The following HSD17B12 variants were observed in gnomAD, a reference collection of about 807,000 sequenced individuals.
HSD17B12 encodes the protein very-long-chain 3-oxoacyl-CoA reductase.
HSD17B12 carries 32 observed loss-of-function variants against 39.3 expected under a neutral mutation model. The ratio of observed to expected loss-of-function variants is 0.81; its 90% CI spans 0.61 to 1.09. The LOEUF (loss-of-function observed/expected upper bound fraction) is 1.09. HSD17B12 is among the 50% of genes least tolerant of loss of function. The pLI is 0.00. For missense variants in HSD17B12, 342 were observed against 382.9 expected (o/e 0.89, Z 0.89); for synonymous variants, 150 against 146.7 (o/e 1.02, Z -0.16).
chr11:43,801,363 A>G (rs1270253729), intron 4 of HSD17B12, among the ~76,000 whole-genome samples: 1 of 152,084 alleles, frequency 6.6e-6, no homozygotes, highest in East Asian at 1.9e-4. Context: ...AGAAACATTT[A>G]TAAATGAAGT....
chr11:43,787,739 A>G (rs1355894877), intron 3 of HSD17B12, among the ~76,000 whole-genome samples: 1 of 61,948 alleles, frequency 1.6e-5, no homozygotes, highest in South Asian at 5.5e-4. Context: ...TCCGTCTCGG[A>G]AAAAAAAAAA....
chr11:43,586,786 A>T, the HSD17B12 span, among the ~76,000 whole-genome samples: 1 of 152,200 alleles, frequency 6.6e-6, no homozygotes, highest in African/African-American at 2.4e-5. Flanking sequence ...CATATTAATC[A>T]TGTCTTCAGA....
the HSD17B12 span, among the ~76,000 whole-genome samples, chr11:43,582,203 G>C: frequency 6.6e-6 from 1 of 152,202 alleles, no homozygotes; most frequent in Non-Finnish European, 1.5e-5. Context: ...CGAGAACTGG[G>C]GAAGCCCCCG....
intron 1 of HSD17B12, among the ~76,000 whole-genome samples, chr11:43,690,404 A>ATATATAT (rs1554959942): frequency 8.0e-5 from 2 of 24,956 alleles, no homozygotes; most frequent in African/African-American, 1.9e-4. Context: ...ATATATATAT[A>ATATATAT]TTTTTTTTTT....
intron 1 of HSD17B12, 37 bp downstream of exon 1, chr11:43,681,024 G>T (rs1949738861): frequency 6.5e-6 from 10 of 1,548,678 alleles, no homozygotes; most frequent in Non-Finnish European, 8.7e-6. Flanking sequence ...CGCTCCCGCG[G>T]CGGCCCGGAC....
chr11:43,568,092 TTTTATTTA>T, the HSD17B12 span, among the ~76,000 whole-genome samples: 11 of 152,016 alleles, frequency 7.2e-5, 1 homozygote, highest in East Asian at 5.8e-4. Flanking sequence ...ATTCTTTTAA[TTTTATTTA>T]TTTATTTATT....
chr11:43,597,122 G>T, the HSD17B12 span, among the ~76,000 whole-genome samples: 1 of 152,192 alleles, frequency 6.6e-6, no homozygotes, highest in Non-Finnish European at 1.5e-5. Flanking sequence ...CAGGCAAAAT[G>T]AATTAAGTGC....
At chr11:43,853,405 G>A (rs1057088205) in intron 9 of HSD17B12, 4 of 149,704 alleles carry the variant, frequency 2.7e-5, no homozygotes, top group African/African-American at 4.9e-5. Context: ...TCAGCAGGAC[G>A]GAAATCCATA....
chr11:43,618,015 A>T, the HSD17B12 span, among the ~76,000 whole-genome samples: 1 of 152,168 alleles, frequency 6.6e-6, no homozygotes, highest in South Asian at 2.1e-4. Flanking sequence ...TGGAAATGTA[A>T]CATCTTACTT....
At chr11:43,802,711 G>A (rs1950983519) in intron 4 of HSD17B12, among the ~76,000 whole-genome samples, 1 of 152,192 alleles carries the variant, frequency 6.6e-6, no homozygotes, top group Non-Finnish European at 1.5e-5. Context: ...CTGTCCCCTA[G>A]TGGGTAAAGC....
chr11:43,560,031 T>C, the HSD17B12 span, among the ~76,000 whole-genome samples: 2 of 152,194 alleles, frequency 1.3e-5, no homozygotes, highest in African/African-American at 4.8e-5. Flanking sequence ...GGTGGTTTTT[T>C]ATTTGCTGTT....
At chr11:43,768,373 GAGA>G (rs1950616264) in intron 3 of HSD17B12, among the ~76,000 whole-genome samples, 1 of 151,976 alleles carries the variant, frequency 6.6e-6, no homozygotes, top group Non-Finnish European at 1.5e-5. Context: ...CATTTATTTA[GAGA>G]CAGAGTCTCA....
intron 1 of HSD17B12, among the ~76,000 whole-genome samples, chr11:43,743,985 T>C (rs1404738008): frequency 6.6e-6 from 1 of 151,920 alleles, no homozygotes. Flanking sequence ...AGAGTGAGAG[T>C]GTGCAAAAGG....
At chr11:43,825,772 G>C (rs1483533996) in intron 6 of HSD17B12, among the ~76,000 whole-genome samples, 1 of 152,214 alleles carries the variant, frequency 6.6e-6, no homozygotes, top group East Asian at 1.9e-4. Context: ...CAAAATGATG[G>C]TTTTGCCAAA....
At chr11:43,645,058 T>G in the HSD17B12 span, 2 of 152,224 alleles carry the variant, frequency 1.3e-5, no homozygotes, top group African/African-American at 4.8e-5. Flanking sequence ...TTATGGAAAT[T>G]AGGTTTGCTT....
intron 3 of HSD17B12, among the ~76,000 whole-genome samples, chr11:43,767,051 G>A (rs1367384206): frequency 6.6e-6 from 1 of 152,122 alleles, no homozygotes; most frequent in Non-Finnish European, 1.5e-5. Flanking sequence ...GAATGTTGCT[G>A]TTCTACAGCT....
the HSD17B12 span, among the ~76,000 whole-genome samples, chr11:43,585,587 G>C: frequency 6.6e-6 from 1 of 152,214 alleles, no homozygotes; most frequent in South Asian, 2.1e-4. Flanking sequence ...TAAGAGTAGA[G>C]CTTAAATAAT....
rs1951300716 is a variant in HSD17B12, at chr11:43,830,766, C to G, written c.502-210C>G. The G allele has an allele frequency of 7.7e-6, 3 of 389,618 alleles. No homozygotes were observed. In the South Asian group the frequency reaches 1.7e-4, roughly 22 times the overall value. 24.1% of individuals were successfully genotyped at this position (389,618 alleles called of 1,614,324 possible). A position where few individuals can be genotyped will look rare whatever the true frequency, so the allele number is the denominator to read the frequency against. On this transcript the variant is annotated intron_variant, in intron 6 of 10. Transcript: ENST00000278353. The stretch of plus-strand genomic sequence containing the variant: ...TTTAGCCAGGTTCATTAAAGTATTC[C>G]CTGTGTTCTCTCCAGTAATTTCAGC...
chr11:43,811,093 C>T (rs1364331975), intron 4 of HSD17B12, among the ~76,000 whole-genome samples: 2 of 152,150 alleles, frequency 1.3e-5, no homozygotes, highest in Non-Finnish European at 2.9e-5. Context: ...TACTCAAAGC[C>T]TGTTCTTTCT....
Sources: allele counts gnomAD v4.1 joint callset (sites outside exome capture counted in the v4.1 genomes callset), GRCh38; gene constraint gnomAD v4.1.1; transcripts MANE v1.5; gene names NCBI Gene and HGNC (gene_info 2026-07-23, HGNC 2026-07-21).